PRR16: variants seen among roughly 807,000 people sequenced by gnomAD.
PRR16 encodes protein Largen.
PRR16 carries 6 observed loss-of-function variants against 18.2 expected under a neutral mutation model. The ratio of observed to expected loss-of-function variants is 0.33; its 90% confidence interval spans 0.18 to 0.65. The LOEUF (loss-of-function observed/expected upper bound fraction) is 0.65. PRR16 is among the 30% of genes least tolerant of loss of function. PRR16 has a pLI of 0.74. For synonymous variants in PRR16, 151 were observed against 147.8 expected, an observed-to-expected ratio of 1.02 and a Z score of -0.16; for missense variants, 412 against 376.6, an observed-to-expected ratio of 1.09 and a Z score of -0.78.
At chr5:120,722,129 T>C in the PRR16 span, among the ~76,000 whole-genome samples, 1 of 152,060 alleles carries the variant, frequency 6.6e-6, no homozygotes, top group Non-Finnish European at 1.5e-5. Context: ...TGGTTTGGTT[T>C]TCTGTTCCTG....
intron 1 of PRR16, among the ~76,000 whole-genome samples, chr5:120,522,290 A>G (rs1470008193): frequency 6.6e-6 from 1 of 152,198 alleles, no homozygotes; most frequent in Non-Finnish European, 1.5e-5. Flanking sequence ...TCCCACCAAC[A>G]GTGTAAAAGT....
the PRR16 span, among the ~76,000 whole-genome samples, chr5:120,717,481 G>C: frequency 6.6e-6 from 1 of 152,072 alleles, no homozygotes; most frequent in Non-Finnish European, 1.5e-5. Flanking sequence ...TCATGCAGAA[G>C]ATATTTGCAT....
intron 1 of PRR16, among the ~76,000 whole-genome samples, chr5:120,663,400 C>A (rs967828572): frequency 7.2e-5 from 11 of 152,046 alleles, no homozygotes. Flanking sequence ...AAGTAAAAAT[C>A]ATGCATGTTT....
chr5:120,521,483 G>A (rs1751178404), intron 1 of PRR16, among the ~76,000 whole-genome samples: 1 of 151,856 alleles, frequency 6.6e-6, no homozygotes, highest in African/African-American at 2.4e-5. Context: ...TGATCTTTAT[G>A]GGGCTCATTT....
At chr5:120,731,834 G>A in the PRR16 span, among the ~76,000 whole-genome samples, 1 of 152,080 alleles carries the variant, frequency 6.6e-6, no homozygotes, top group Non-Finnish European at 1.5e-5. Flanking sequence ...ATATGAACAG[G>A]TTCATAATCA....
the PRR16 span, among the ~76,000 whole-genome samples, chr5:120,745,366 T>C: frequency 6.6e-6 from 1 of 152,204 alleles, no homozygotes; most frequent in Non-Finnish European, 1.5e-5. Flanking sequence ...ATTTTCCTTT[T>C]TCTGAGGTGT....
intron 1 of PRR16, among the ~76,000 whole-genome samples, chr5:120,651,641 A>G (rs1755793452): frequency 6.6e-6 from 1 of 152,006 alleles, no homozygotes; most frequent in Non-Finnish European, 1.5e-5. Flanking sequence ...ATGGTTGTAG[A>G]TATGTGGCAT....
intron 1 of PRR16, among the ~76,000 whole-genome samples, chr5:120,570,293 G>A (rs931026961): frequency 2.6e-5 from 4 of 152,012 alleles, no homozygotes; most frequent in African/African-American, 9.7e-5. Context: ...CTATTCCTAG[G>A]TCTGGCACCA....
chr5:120,685,069 T>G (rs573857828), intron 1 of PRR16, among the ~76,000 whole-genome samples: 5 of 152,360 alleles, frequency 3.3e-5, no homozygotes, highest in South Asian at 2.1e-4. Context: ...AGACAGCTTT[T>G]GCTTCTACCC....
chr5:120,599,110 T>TTGC (rs548147261), intron 1 of PRR16, among the ~76,000 whole-genome samples: 195 of 151,888 alleles, frequency 1.3e-3, no homozygotes, highest in African/African-American at 4.4e-3. Flanking sequence ...TTGTCTTGCT[T>TTGC]TGCTGCTTTT....
intron 1 of PRR16, among the ~76,000 whole-genome samples, chr5:120,593,128 C>A (rs1291213719): frequency 6.6e-6 from 1 of 151,560 alleles, no homozygotes; most frequent in Non-Finnish European, 1.5e-5. Context: ...AGCAAAGAAA[C>A]CCCAAAGCTA....
the PRR16 span, among the ~76,000 whole-genome samples, chr5:120,720,954 A>G: frequency 2.6e-5 from 4 of 152,014 alleles, no homozygotes; most frequent in African/African-American, 7.2e-5. Flanking sequence ...TAATCTTTCA[A>G]TGGTAATTAA....
chr5:120,735,128 T>A, the PRR16 span, among the ~76,000 whole-genome samples: 2 of 152,226 alleles, frequency 1.3e-5, no homozygotes, highest in Admixed American at 1.3e-4. Flanking sequence ...CTTTTGTGAT[T>A]GGCTTATTTC....
intron 1 of PRR16, among the ~76,000 whole-genome samples, chr5:120,552,818 A>G (rs1047094915): frequency 9.2e-5 from 14 of 151,904 alleles, no homozygotes; most frequent in Non-Finnish European, 2.1e-4. Context: ...ATAATGTGTC[A>G]TACCTGAAGT....
chr5:120,701,766 C>T, the PRR16 span, among the ~76,000 whole-genome samples: 21 of 152,074 alleles, frequency 1.4e-4, no homozygotes, highest in African/African-American at 4.1e-4. Context: ...AGATTTGGGA[C>T]GAGTTGCACT....
At chr5:120,573,095 C>G (rs1225904998) in intron 1 of PRR16, among the ~76,000 whole-genome samples, 1 of 152,122 alleles carries the variant, frequency 6.6e-6, no homozygotes, top group Non-Finnish European at 1.5e-5. Flanking sequence ...TTTTTGCCCT[C>G]TATTTCTGAA....
At chr5:120,680,233 T>C (rs1225040146) in intron 1 of PRR16, among the ~76,000 whole-genome samples, 1 of 152,154 alleles carries the variant, frequency 6.6e-6, no homozygotes, top group African/African-American at 2.4e-5. Flanking sequence ...TCCTGTCTCC[T>C]TCTCTGAATT....
the PRR16 span, among the ~76,000 whole-genome samples, chr5:120,693,911 G>T: frequency 6.6e-6 from 1 of 152,104 alleles, no homozygotes; most frequent in Non-Finnish European, 1.5e-5. Flanking sequence ...CTTGCTAAAA[G>T]CTTAGTACTC....
intron 1 of PRR16, among the ~76,000 whole-genome samples, chr5:120,586,695 C>A (rs1273668403): frequency 6.6e-6 from 1 of 152,144 alleles, no homozygotes; most frequent in East Asian, 1.9e-4. Context: ...CTGACTACTA[C>A]ACTCATTGGC....
Sources: allele counts gnomAD v4.1 joint callset (sites outside exome capture counted in the v4.1 genomes callset), GRCh38; gene constraint gnomAD v4.1.1; transcripts MANE v1.5; gene names NCBI Gene and HGNC (gene_info 2026-07-23, HGNC 2026-07-21).